The following DOCK1 variants were observed in gnomAD, a reference collection of about 807,000 sequenced individuals.
The protein encoded by DOCK1 is dedicator of cytokinesis protein 1.
In DOCK1, 138 loss-of-function variants were observed where a neutral mutation model predicts 262.7. The observed-to-expected ratio is 0.53, with a 90% CI of 0.46 to 0.61. DOCK1 has a LOEUF of 0.61. Ranked by LOEUF, DOCK1 falls within the 20% of genes least tolerant of loss-of-function variation. The pLI, the probability that DOCK1 is intolerant of heterozygous loss-of-function variation, is 0.00. For missense variants in DOCK1, 1,908 were observed against 2,370.7 expected, an observed-to-expected ratio of 0.80 and a Z score of 4.05; for synonymous variants, 866 against 867.4, an observed-to-expected ratio of 1.00 and a Z score of 0.03.
chr10:127,312,410 C>T (rs1313443053), intron 29 of DOCK1, among the ~76,000 whole-genome samples: 1 of 152,188 alleles, frequency 6.6e-6, no homozygotes, highest in Non-Finnish European at 1.5e-5. Context: ...GATCTGGGCT[C>T]CCAGGCCCTA....
chr10:126,943,550 CG>C (rs2035175961), intron 1 of DOCK1, among the ~76,000 whole-genome samples: 1 of 152,152 alleles, frequency 6.6e-6, no homozygotes, highest in African/African-American at 2.4e-5. Flanking sequence ...CAGTGGATTT[CG>C]GCTAAATTCA....
At chr10:127,086,997 C>T (rs753905777) in intron 23 of DOCK1, among the ~76,000 whole-genome samples, 2 of 152,084 alleles carry the variant, frequency 1.3e-5, no homozygotes. Context: ...CCAGAGTCAC[C>T]TCACTCATAG....
At chr10:127,185,894 G>A (rs1423501068) in intron 27 of DOCK1, among the ~76,000 whole-genome samples, 1 of 152,138 alleles carries the variant, frequency 6.6e-6, no homozygotes, top group African/African-American at 2.4e-5. Flanking sequence ...GTATATTGGG[G>A]CCCCATACTG....
intron 28 of DOCK1, among the ~76,000 whole-genome samples, chr10:127,252,217 A>C (rs2059676143): frequency 2.9e-5 from 4 of 137,022 alleles, no homozygotes; most frequent in African/African-American, 1.0e-4. Context: ...TCCTTCGCCC[A>C]CTTTTTGATG....
intron 27 of DOCK1, among the ~76,000 whole-genome samples, chr10:127,212,561 C>T (rs1564907492): frequency 6.6e-6 from 1 of 152,038 alleles, no homozygotes; most frequent in Non-Finnish European, 1.5e-5. Context: ...TCTTTAGCTC[C>T]CTCTGTGCTT....
chr10:127,451,140 C>T (rs957374428), intron 51 of DOCK1, among the ~76,000 whole-genome samples, 192 bp from the exon 52 acceptor site: 2 of 152,080 alleles, frequency 1.3e-5, no homozygotes, highest in Non-Finnish European at 2.9e-5. Flanking sequence ...TCAGAAAGGC[C>T]CAGGCCCATA....
At chr10:127,148,774 G>T (rs1386563379) in intron 27 of DOCK1, among the ~76,000 whole-genome samples, 3 of 152,152 alleles carry the variant, frequency 2.0e-5, no homozygotes, top group Non-Finnish European at 4.4e-5. Flanking sequence ...ATTTTGACAA[G>T]AAATATGGAA....
At chr10:127,097,651 G>T in intron 23 of DOCK1, among the ~76,000 whole-genome samples, 1 of 152,180 alleles carries the variant, frequency 6.6e-6, no homozygotes, top group East Asian at 1.9e-4. Flanking sequence ...GTGGACAGAC[G>T]AAAGCTTTAC....
chr10:127,157,458 G>T (rs1279057342), intron 27 of DOCK1, among the ~76,000 whole-genome samples: 2 of 152,328 alleles, frequency 1.3e-5, no homozygotes, highest in East Asian at 1.9e-4. Flanking sequence ...CTTATAGGTG[G>T]TTGAATGACA....
At chr10:127,275,783 G>GA (rs912155240) in intron 29 of DOCK1, among the ~76,000 whole-genome samples, 2 of 141,762 alleles carry the variant, frequency 1.4e-5, no homozygotes, top group Non-Finnish European at 3.1e-5. Flanking sequence ...TTGGATGATG[G>GA]AAAAAAACCC....
Position 127,024,717 on chromosome 10 carries a change from G to T in DOCK1, c.1485G>T (p.Ala495=), listed in dbSNP as rs11595439. ...HVIFPGAGDE[A]ISEYKSVIYY... ...TTTTCCCGGGTGCTGGTGATGAAGC[G>T]ATTTCAGAGTACAAATCTGTGATTT... Residue 495 remains alanine (A), a synonymous_variant, in exon 15 of 52, where the codon GCG becomes GCT. Transcript: ENST00000623213. 4 of 1,612,348 alleles carry T rather than the reference G, an allele frequency of 2.5e-6. No homozygotes were observed. Among genetic ancestry groups the T allele is most frequent in the Admixed American group, 1.7e-5 (1 of 59,830 alleles).
At chr10:127,426,276 C>T (rs768628661) in intron 47 of DOCK1, among the ~76,000 whole-genome samples, 6 of 152,240 alleles carry the variant, frequency 3.9e-5, no homozygotes, top group Non-Finnish European at 5.9e-5. Flanking sequence ...GCTGTGAACA[C>T]AGTCCAACCT....
At chr10:127,073,073 G>A (rs937663457) in intron 23 of DOCK1, among the ~76,000 whole-genome samples, 8 of 152,232 alleles carry the variant, frequency 5.3e-5, no homozygotes, top group African/African-American at 1.7e-4. Flanking sequence ...TGCATTCACC[G>A]TAGGTGTTTG....
At chr10:127,156,588 A>G (rs1352996362) in intron 27 of DOCK1, among the ~76,000 whole-genome samples, 1 of 79,320 alleles carries the variant, frequency 1.3e-5, no homozygotes, top group African/African-American at 5.3e-5. Context: ...TTTTTTTGAG[A>G]CCAAGTTTCG....
At chr10:126,948,774 G>C (rs1033336226) in intron 1 of DOCK1, among the ~76,000 whole-genome samples, 48,421 of 151,848 alleles carry the variant, frequency 0.32, 8,245 homozygotes, top group Middle Eastern at 0.42. Flanking sequence ...TGGAATCATT[G>C]TGAGCTGCTC....
chr10:126,930,566 C>A (rs1055615477), intron 1 of DOCK1, among the ~76,000 whole-genome samples: 4 of 152,188 alleles, frequency 2.6e-5, no homozygotes, highest in African/African-American at 9.6e-5. Flanking sequence ...GGGGATGCAG[C>A]GCCTCCTCCT....
At chr10:127,074,415 T>C (rs1361577912) in intron 23 of DOCK1, among the ~76,000 whole-genome samples, 2 of 152,214 alleles carry the variant, frequency 1.3e-5, no homozygotes, top group Non-Finnish European at 2.9e-5. Context: ...AATTTGTGCA[T>C]TACACTGGCT....
chr10:127,427,313 G>T (rs938888160), intron 47 of DOCK1, among the ~76,000 whole-genome samples: 1 of 152,336 alleles, frequency 6.6e-6, no homozygotes, highest in Non-Finnish European at 1.5e-5. Flanking sequence ...GTCGAGTGGG[G>T]TGTGCCATTT....
intron 27 of DOCK1, among the ~76,000 whole-genome samples, chr10:127,167,720 C>T (rs2054208277): frequency 1.3e-5 from 2 of 152,064 alleles, no homozygotes; most frequent in African/African-American, 4.8e-5. Flanking sequence ...TACATCAGCT[C>T]CCCTGCCCGT....
Sources: gnomAD v4.1 joint callset for allele counts (sites outside exome capture counted in the v4.1 genomes callset) on GRCh38, gnomAD v4.1.1 for gene constraint, MANE v1.5 for transcripts, NCBI Gene and HGNC (gene_info 2026-07-23, HGNC 2026-07-21) for gene names.